The following PCDHGA8 variants were observed in gnomAD, a reference collection of about 807,000 sequenced individuals.
PCDHGA8 encodes protocadherin gamma-A8.
A neutral mutation model predicts 59.2 loss-of-function variants in PCDHGA8; 45 were observed. The observed-to-expected ratio is 0.76, with a 90% CI of 0.60 to 0.98. PCDHGA8 has a LOEUF of 0.98. PCDHGA8 is among the 50% of genes least tolerant of loss of function. The pLI is 0.00. For missense variants in PCDHGA8, 1,257 were observed against 1,196.2 expected (o/e 1.05, Z -0.75); for synonymous variants, 531 against 519.0 (o/e 1.02, Z -0.32).
chr5:141,393,056 C>G lies in PCDHGA8; in HGVS notation c.243C>G (p.Ser81Arg). 2 of 1,613,606 alleles carry G rather than the reference C, an allele frequency of 1.2e-6. No homozygotes were observed. The highest frequency in any genetic ancestry group is 1.1e-5 in the South Asian group (1 of 91,058). Residue 81 changes from serine (S) to arginine (R), a missense_variant, in exon 1 of 4, where the codon AGC becomes AGG. Transcript: ENST00000398604. ...AGCTCTTTGCTCTGAACCCGCGCAG[C>G]GGCAGCTTGATCACCGCGGGCAGGA... is the stretch of plus-strand genomic sequence containing the variant. ...RTQLFALNPR[S>R]GSLITAGRID... is the part of the protein sequence containing the mutation.
At chr5:141,472,040 G>T (rs1431219928) in intron 1 of PCDHGA8, among the ~76,000 whole-genome samples, 4 of 152,018 alleles carry the variant, frequency 2.6e-5, no homozygotes, top group Non-Finnish European at 5.9e-5. Flanking sequence ...GCTGTGAAAA[G>T]ATTTTAAAAA....
At chr5:141,501,206 A>G (rs977574347) in intron 2 of PCDHGA8, among the ~76,000 whole-genome samples, 22 of 151,674 alleles carry the variant, frequency 1.5e-4, no homozygotes, top group African/African-American at 5.3e-4. Context: ...GGGTGTTGTC[A>G]GGGTGACTTC....
At chr5:141,478,423 C>A (rs1355847104) in intron 1 of PCDHGA8, 1 of 1,613,672 alleles carries the variant, frequency 6.2e-7, no homozygotes, top group Admixed American at 1.7e-5. Context: ...CCCGCCGCAG[C>A]GACCCGCTGC....
At position 141,392,964 on chromosome 5, in the gene PCDHGA8, G is replaced by A. The variant is rs772870041; in HGVS notation, c.151G>A (p.Asp51Asn). ...CTCCTTCGTGGGTAATATCTCCAAG[G>A]ACCTGGGGCTGGACCCCCGGAAGCT... ...KGSFVGNISK[D>N]LGLDPRKLAK... Residue 51 changes from aspartate (D) to asparagine (N), a missense_variant, in exon 1 of 4, where the codon GAC (aspartate) becomes AAC (asparagine). By Grantham distance (23) the Asp-to-Asn change is conservative (BLOSUM62 1). Transcript: ENST00000398604. The A allele has an allele frequency of 1.2e-6, 2 of 1,613,902 alleles. No homozygotes were observed. The highest frequency in any genetic ancestry group is 1.1e-5 in the South Asian group (1 of 91,070).
Position 141,490,909 on chromosome 5 carries a change from G to C in PCDHGA8, c.2425-3898G>C. ...ATCTCTGCATGTGTTTGTCCTAGAC[G>C]AGAATGATAATGCCCCAGCTGTGCT... On this transcript the variant is annotated intron_variant, in intron 1 of 3. Coordinates refer to ENST00000398604, the MANE Select transcript of PCDHGA8 (RefSeq NM_032088.2). This position sits in a 1 kb window ranked among gnomAD's most constrained non-coding sequence, Gnocchi z 5.4. 1 of 1,613,744 alleles carries C rather than the reference G, an allele frequency of 6.2e-7. No individual in the cohort carries two copies. The highest frequency in any genetic ancestry group is 2.2e-5 in the East Asian group (1 of 44,870).
Position 141,394,446 on chromosome 5 carries a change from A to C in PCDHGA8, c.1633A>C (p.Asn545His). 6.2e-7 allele frequency: 1 copy of C among 1,614,246 alleles called. No homozygotes were observed. Among genetic ancestry groups the C allele is most frequent in the Non-Finnish European group, 8.5e-7 (1 of 1,180,048 alleles). Residue 545 changes from asparagine to histidine, a missense_variant, in exon 1 of 4, where the codon AAC (asparagine) becomes CAC (histidine). Asn to His is a moderately conservative substitution (Grantham distance 68). Coordinates refer to ENST00000398604, the MANE Select transcript of PCDHGA8 (RefSeq NM_032088.2). ...CAGCGGGGACCCGCCCCTCAGCAGC[A>C]ACATGTCACTGAGCCTGTTCGTGCT... ...SDSGDPPLSS[N>H]MSLSLFVLDQ...
rs760575047 is a variant in PCDHGA8 at position 141,493,887 on chromosome 5, G to A, written c.2425-920G>A. Among the ~76,000 whole-genome samples the A allele has an allele frequency of 1.3e-5, 2 of 152,184 alleles. No individual in the cohort carries two copies. The highest frequency in any genetic ancestry group is 2.4e-5 in the African/African-American group (1 of 41,448). On this transcript the variant is annotated intron_variant, in intron 1 of 3. Coordinates refer to ENST00000398604, the MANE Select transcript of PCDHGA8 (RefSeq NM_032088.2). The surrounding 1 kb of genome is among the most constrained non-coding windows in gnomAD (Gnocchi z 4.3). Reference sequence around the variant, plus strand: ...AGAACCAGTGAGGAGGTGGCTCTAGGAGTGCTCCATGAGAGTGTGTGATGG... The same window carrying A: ...AGAACCAGTGAGGAGGTGGCTCTAGAAGTGCTCCATGAGAGTGTGTGATGG...
intron 1 of PCDHGA8, chr5:141,415,740 G>GTTTTGTTTTT (rs2095911163): frequency 1.9e-6 from 1 of 515,998 alleles, no homozygotes; most frequent in African/African-American, 2.8e-5. Context: ...GTTTATTAAG[G>GTTTTGTTTTT]TTTTTTTTTT....
At chr5:141,483,293 G>T (rs532959899) in intron 1 of PCDHGA8, among the ~76,000 whole-genome samples, 1 of 152,264 alleles carries the variant, frequency 6.6e-6, no homozygotes, top group Non-Finnish European at 1.5e-5. Flanking sequence ...TCAGTCATAA[G>T]TGAAGGGACT....
chr5:141,431,147 G>A lies in PCDHGA8; in HGVS notation c.2424+35910G>A, dbSNP rs1303502732. ...AGAAGTAAGGGACATTAACGACAAT[G>A]CGCCTTACTTTCGTGAAAGTGAATT... On this transcript the variant is annotated intron_variant, in intron 1 of 3. Coordinates refer to ENST00000398604, the MANE Select transcript of PCDHGA8 (RefSeq NM_032088.2). The surrounding 1 kb of genome is among the most constrained non-coding windows in gnomAD (Gnocchi z 4.8). 6.2e-7 allele frequency: 1 copy of A among 1,614,228 alleles called. No homozygotes were observed. The highest frequency in any genetic ancestry group is 1.7e-5 in the Admixed American group (1 of 60,030).
chr5:141,442,720 T>C (rs941034636), intron 1 of PCDHGA8, among the ~76,000 whole-genome samples: 1 of 152,202 alleles, frequency 6.6e-6, no homozygotes, highest in Non-Finnish European at 1.5e-5. Flanking sequence ...GCCAGAGCAT[T>C]TGGGGCCTGT....
rs775153988 is a variant in PCDHGA8 at position 141,485,268 on chromosome 5, G to A, written c.2425-9539G>A. On this transcript the variant is annotated intron_variant, in intron 1 of 3. Coordinates refer to ENST00000398604, the MANE Select transcript of PCDHGA8 (RefSeq NM_032088.2). This position sits in a 1 kb window ranked among gnomAD's most constrained non-coding sequence, Gnocchi z 5.7. ...CTGGGTTACGTTTGTGGGCAGATCC[G>A]CTACCCGGTCCCAGAGGAGTCACAG... 6.2e-7 allele frequency: 1 copy of A among 1,614,100 alleles called. No homozygotes were observed. Among genetic ancestry groups the A allele is most frequent in the Non-Finnish European group, 8.5e-7 (1 of 1,179,936 alleles).
In PCDHGA8 at chr5:141,458,391, C is replaced by G. The variant is rs534396279; in HGVS notation, c.2425-36416C>G. 5.9e-5 allele frequency among the ~76,000 whole-genome samples: 9 copies of G among 152,126 alleles called. No homozygotes were observed. In the South Asian group the frequency reaches 1.0e-3, roughly 18 times the overall value. ...GGAGAAGAGAGAAGGAAGACGCTCCCCCTTGCAGAGACGGAGCGGGGGTTC... is the reference window on the plus strand; with the variant it reads ...GGAGAAGAGAGAAGGAAGACGCTCCGCCTTGCAGAGACGGAGCGGGGGTTC... On this transcript the variant is annotated intron_variant, in intron 1 of 3. Coordinates refer to ENST00000398604, the MANE Select transcript of PCDHGA8 (RefSeq NM_032088.2).
chr5:141,403,333 C>G (rs376895778), intron 1 of PCDHGA8: 1 of 1,613,984 alleles, frequency 6.2e-7, no homozygotes, highest in South Asian at 1.1e-5. Context: ...CTGATATTAA[C>G]GACAGCGCCC....
At chr5:141,424,245 A>T (rs1196753393) in intron 1 of PCDHGA8, 3 of 155,310 alleles carry the variant, frequency 1.9e-5, no homozygotes, top group African/African-American at 7.2e-5. Context: ...GGTGGCTGGT[A>T]ATATGCTTAG....
intron 1 of PCDHGA8, chr5:141,410,752 G>GT: frequency 4.4e-6 from 5 of 1,130,822 alleles, no homozygotes; most frequent in Non-Finnish European, 5.8e-6. Context: ...TTTTCTCAAT[G>GT]TTTTTTCAAT....
At chr5:141,400,112 A>G in intron 1 of PCDHGA8, 1 of 1,614,034 alleles carries the variant, frequency 6.2e-7, no homozygotes. Context: ...GTCTTTGCTG[A>G]CAGCTTGCAG....
intron 1 of PCDHGA8, chr5:141,395,540 GTT>G (rs1195680754): frequency 2.1e-5 from 4 of 186,176 alleles, no homozygotes; most frequent in South Asian, 7.0e-5. Flanking sequence ...TTTTGCTATT[GTT>G]TGTGTGTGTG....
intron 1 of PCDHGA8, among the ~76,000 whole-genome samples, chr5:141,494,072 C>G (rs2099751672): frequency 6.6e-6 from 1 of 152,160 alleles, no homozygotes; most frequent in Non-Finnish European, 1.5e-5. Flanking sequence ...CTGGATCCCT[C>G]CCCGCTGCAT....
Sources: allele counts gnomAD v4.1 joint callset (sites outside exome capture counted in the v4.1 genomes callset), GRCh38; gene constraint gnomAD v4.1.1; non-coding constraint Gnocchi (gnomAD v3.1); transcripts MANE v1.5; gene names NCBI Gene and HGNC (gene_info 2026-07-23, HGNC 2026-07-21).